XRRA1: variants seen among roughly 807,000 people sequenced by gnomAD.
The protein encoded by XRRA1 is X-ray radiation resistance associated 1.
A neutral mutation model predicts 80.2 loss-of-function variants in XRRA1; 69 were observed. That is an observed-to-expected ratio of 0.86 (90% CI 0.71 to 1.05). XRRA1 has a LOEUF of 1.05. Among genes scored for constraint, XRRA1 ranks in the 50% least tolerant of loss-of-function variants. The pLI is 0.00. For synonymous variants in XRRA1, 348 were observed against 389.9 expected, an observed-to-expected ratio of 0.89 and a Z score of 1.27; for missense variants, 967 against 976.4, an observed-to-expected ratio of 0.99 and a Z score of 0.13.
intron 10 of XRRA1, among the ~76,000 whole-genome samples, chr11:74,885,135 G>A (rs1024680755): frequency 6.6e-6 from 1 of 151,876 alleles, no homozygotes; most frequent in African/African-American, 2.4e-5. Flanking sequence ...ATGATGAAGT[G>A]CACCTATAGT....
In XRRA1 at chr11:74,886,855, G is replaced by A. The variant is rs573987462; in HGVS notation, c.1003+19384C>T. Among the ~76,000 whole-genome samples, 4 of 152,264 alleles carry A rather than the reference G, an allele frequency of 2.6e-5. No homozygotes were observed. In the East Asian group the frequency reaches 7.7e-4, roughly 29 times the overall value. ...CAGTAACCAAAACAGCATGGTACTGGCACAAGAACAGATACATAGGCCAAT... is the reference window on the plus strand; with the variant it reads ...CAGTAACCAAAACAGCATGGTACTGACACAAGAACAGATACATAGGCCAAT... On this transcript the variant is annotated intron_variant, in intron 10 of 18. Coordinates refer to ENST00000684022, the MANE Select transcript of XRRA1 (RefSeq NM_001378157.1).
chr11:74,891,337 T>G (rs1003072140), intron 10 of XRRA1, among the ~76,000 whole-genome samples: 1 of 152,170 alleles, frequency 6.6e-6, no homozygotes, highest in Non-Finnish European at 1.5e-5. Flanking sequence ...GAAAAGGCCT[T>G]TGACAAAATT....
At chr11:74,896,771 A>G (rs973665872) in intron 10 of XRRA1, among the ~76,000 whole-genome samples, 4 of 152,208 alleles carry the variant, frequency 2.6e-5, no homozygotes, top group Non-Finnish European at 5.9e-5. Flanking sequence ...GGAAAAGAAC[A>G]AGAGTCTCCG....
At chr11:74,927,265 T>C (rs1398694008) in intron 7 of XRRA1, 126 bp downstream of exon 7, 6 of 123,672 alleles carry the variant, frequency 4.9e-5, no homozygotes, top group Non-Finnish European at 1.6e-5. Flanking sequence ...AGGCCAGCAA[T>C]GAAGCAAGGG....
intron 10 of XRRA1, among the ~76,000 whole-genome samples, chr11:74,871,221 T>G (rs1267850280): frequency 6.6e-6 from 1 of 152,182 alleles, no homozygotes; most frequent in Admixed American, 6.5e-5. Flanking sequence ...CTTCTCTAGA[T>G]CCATGCCTGA....
intron 1 of XRRA1, among the ~76,000 whole-genome samples, chr11:74,948,408 T>C (rs1008038341): frequency 2.7e-5 from 4 of 150,810 alleles, no homozygotes; most frequent in African/African-American, 4.9e-5. Flanking sequence ...CATGGAGTAG[T>C]AGTCCACCAG....
chr11:74,930,606 TATA>T (rs1243035955), intron 5 of XRRA1, among the ~76,000 whole-genome samples: 1 of 152,220 alleles, frequency 6.6e-6, no homozygotes, highest in Non-Finnish European at 1.5e-5. Flanking sequence ...TGAAGACCCA[TATA>T]ACCACTATCC....
intron 10 of XRRA1, among the ~76,000 whole-genome samples, chr11:74,903,591 A>C (rs1030721444): frequency 5.3e-5 from 8 of 152,082 alleles, no homozygotes; most frequent in African/African-American, 1.9e-4. Context: ...TAGTCCCAGG[A>C]ACTCAAGAGG....
Position 74,944,658 on chromosome 11 carries a change from C to A in XRRA1, c.-5+360G>T, listed in dbSNP as rs534625806. ...TATGACTTTATTATAATTGTTTGCTCCCCTCATCAACTTCTCACCTGTTGT... is the reference window on the plus strand; with the variant it reads ...TATGACTTTATTATAATTGTTTGCTACCCTCATCAACTTCTCACCTGTTGT... On this transcript the variant is annotated intron_variant, in intron 2 of 18. Transcript: ENST00000684022. Among the ~76,000 whole-genome samples the A allele has an allele frequency of 2.2e-4, 34 of 152,274 alleles. 1 individual carries two copies. Among genetic ancestry groups the A allele is most frequent in the African/African-American group, 8.2e-4 (34 of 41,548 alleles).
chr11:74,843,213 TC>T lies in XRRA1; in HGVS notation c.2389del (p.Asp797ThrfsTer34). The T allele has an allele frequency of 6.4e-7, 1 of 1,557,308 alleles. No individual in the cohort carries two copies. Among genetic ancestry groups the T allele is most frequent in the South Asian group, 1.2e-5 (1 of 84,330 alleles). ...DEFCQEPTAS[D>X]SQG is the part of the protein sequence containing the mutation. ...CCATGCACAGCTCTAGCCTTGTGAG[TC>T]ACTGGCTGTGGGCTCCTGGCAGAAC... On this transcript the variant is annotated frameshift_variant, in exon 19 of 19. Transcript: ENST00000684022. LOFTEE classifies it high-confidence loss of function.
chr11:74,889,744 G>T (rs532507358), intron 10 of XRRA1, among the ~76,000 whole-genome samples: 299 of 152,172 alleles, frequency 2.0e-3, no homozygotes, highest in Non-Finnish European at 2.0e-3. Context: ...AAAAGGCAGG[G>T]GTTGCAATTC....
Position 74,880,673 on chromosome 11 carries a change from G to A in XRRA1, c.1004-17652C>T, listed in dbSNP as rs1167334174. 6.2e-4 allele frequency among the ~76,000 whole-genome samples: 94 copies of A among 150,858 alleles called. 1 individual carries two copies. The highest frequency in any genetic ancestry group is 1.1e-3 in the Admixed American group (17 of 15,128). On this transcript the variant is annotated intron_variant, in intron 10 of 18. Transcript: ENST00000684022. ...TCTGGTATGTTGTGTCTTTGTTCTCGTTGGTTTCAAAGAACATCTTTATTT... is the reference window on the plus strand; with the variant it reads ...TCTGGTATGTTGTGTCTTTGTTCTCATTGGTTTCAAAGAACATCTTTATTT...
chr11:74,848,705 CAG>C (rs768862298), intron 14 of XRRA1, among the ~76,000 whole-genome samples: 3 of 152,180 alleles, frequency 2.0e-5, no homozygotes, highest in Admixed American at 6.5e-5. Context: ...GATGAGGAAA[CAG>C]GGGCTTAGAG....
chr11:74,848,785 C>T (rs1188426091), intron 14 of XRRA1, among the ~76,000 whole-genome samples: 1 of 152,176 alleles, frequency 6.6e-6, no homozygotes, highest in Non-Finnish European at 1.5e-5. Context: ...AATTCCAGTC[C>T]TGGGCTCCAG....
chr11:74,948,753 C>T (rs192108900), intron 1 of XRRA1, among the ~76,000 whole-genome samples, 175 bp downstream of exon 1: 18 of 152,288 alleles, frequency 1.2e-4, no homozygotes, highest in African/African-American at 3.4e-4. Flanking sequence ...CGCGAGTTCT[C>T]CGTTAACACG....
rs2041791306 is a variant in XRRA1, at chr11:74,859,150, A to T, written c.1170+8T>A. On this transcript the variant is annotated splice_region_variant and intron_variant, in intron 12 of 18. Coordinates refer to ENST00000684022, the MANE Select transcript of XRRA1 (RefSeq NM_001378157.1). ...CCCTGAGTAAACAGGAGAGGAGCAG[A>T]AAGTCACCTTGTTGTAGGCCAGGCT... 1 of 1,590,692 alleles carries T rather than the reference A, an allele frequency of 6.3e-7. No homozygotes were observed. The highest frequency in any genetic ancestry group is 8.5e-7 in the Non-Finnish European group (1 of 1,173,254).
chr11:74,864,943 G>A (rs1387985697), intron 10 of XRRA1, among the ~76,000 whole-genome samples: 1 of 152,188 alleles, frequency 6.6e-6, no homozygotes, highest in East Asian at 1.9e-4. Flanking sequence ...ACTGTGCAGG[G>A]ACTTGCTGGA....
chr11:74,930,179 T>C (rs752828270), intron 6 of XRRA1, 121 bp downstream of exon 6: 2 of 836,980 alleles, frequency 2.4e-6, no homozygotes, highest in Non-Finnish European at 3.9e-6. Flanking sequence ...CCCAGCCTAT[T>C]GTACTCCAAA....
intron 1 of XRRA1, among the ~76,000 whole-genome samples, chr11:74,948,625 TG>T (rs1204292232): frequency 6.6e-6 from 1 of 152,236 alleles, no homozygotes; most frequent in Non-Finnish European, 1.5e-5. Flanking sequence ...TATCTGGCTT[TG>T]GGTAGGTTCT....
Sources: gnomAD v4.1 joint callset for allele counts (sites outside exome capture counted in the v4.1 genomes callset) on GRCh38, gnomAD v4.1.1 for gene constraint, MANE v1.5 for transcripts, NCBI Gene and HGNC (gene_info 2026-07-23, HGNC 2026-07-21) for gene names.